CHD7: variants seen among roughly 807,000 people sequenced by gnomAD.
CHD7 encodes chromodomain helicase DNA binding protein 7, also known as ATP-dependent chromatin remodeler CHD7.
A neutral mutation model predicts 307.3 loss-of-function variants in CHD7; 24 were observed. The observed-to-expected ratio is 0.08, with a 90% CI of 0.06 to 0.11. The LOEUF is 0.11. Among genes scored for constraint, CHD7 ranks in the 10% least tolerant of loss-of-function variants. The pLI, the probability that CHD7 is intolerant of heterozygous loss-of-function variation, is 1.00. For synonymous variants in CHD7, 1,363 were observed against 1,349.9 expected, an observed-to-expected ratio of 1.01 and a Z score of -0.21; for missense variants, 3,106 against 3,727.1, an observed-to-expected ratio of 0.83 and a Z score of 4.34.
chr8:60,747,252 A>G (rs1011597517), intron 2 of CHD7, among the ~76,000 whole-genome samples: 20 of 149,684 alleles, frequency 1.3e-4, no homozygotes, highest in Admixed American at 5.3e-4. Flanking sequence ...TTTTTTTTGT[A>G]TTTTTAGTAG....
intron 6 of CHD7, among the ~76,000 whole-genome samples, 193 bp downstream of exon 6, chr8:60,801,786 AGC>A (rs1812328193): frequency 6.6e-6 from 1 of 152,260 alleles, no homozygotes; most frequent in Non-Finnish European, 1.5e-5. Context: ...AAATATATCA[AGC>A]AGTCAGTGCT....
At chr8:60,709,640 A>G (rs1209419768) in intron 1 of CHD7, among the ~76,000 whole-genome samples, 1 of 152,178 alleles carries the variant, frequency 6.6e-6, no homozygotes, top group East Asian at 1.9e-4. Flanking sequence ...AGAAATTTAA[A>G]CTGTATTTGA....
intron 1 of CHD7, among the ~76,000 whole-genome samples, chr8:60,685,420 G>A (rs1805832950): frequency 6.6e-6 from 1 of 152,188 alleles, no homozygotes; most frequent in African/African-American, 2.4e-5. Flanking sequence ...GTGGTAACCA[G>A]ACCTTGGCAC....
chr8:60,715,761 A>AAAAAC (rs145810726), intron 1 of CHD7, among the ~76,000 whole-genome samples: 43 of 152,130 alleles, frequency 2.8e-4, no homozygotes, highest in Admixed American at 4.6e-4. Flanking sequence ...TCTACCTTAG[A>AAAAAC]AAAACAAAAC....
chr8:60,737,271 T>A (rs1808757736), intron 1 of CHD7, among the ~76,000 whole-genome samples: 1 of 152,206 alleles, frequency 6.6e-6, no homozygotes, highest in South Asian at 2.1e-4. Flanking sequence ...GAAAGGAAAT[T>A]CACTTCTATT....
At chr8:60,786,596 G>A (rs1811502754) in intron 3 of CHD7, among the ~76,000 whole-genome samples, 3 of 152,128 alleles carry the variant, frequency 2.0e-5, no homozygotes, top group East Asian at 1.9e-4. Context: ...TAAGGAGGCC[G>A]TGAGCCGCAG....
intron 1 of CHD7, 61 bp from the exon 2 acceptor site, chr8:60,741,198 T>A: frequency 1.9e-6 from 1 of 529,264 alleles, no homozygotes. Flanking sequence ...GCAGTTTTTA[T>A]CATTGGATCC....
intron 7 of CHD7, among the ~76,000 whole-genome samples, chr8:60,812,428 G>A (rs548593817): frequency 2.0e-4 from 31 of 152,204 alleles, no homozygotes; most frequent in Non-Finnish European, 4.4e-4. Flanking sequence ...ACTTTGGGAG[G>A]CTGAGGCAGG....
intron 25 of CHD7, among the ~76,000 whole-genome samples, chr8:60,849,842 C>G (rs1805375971): frequency 6.6e-6 from 1 of 152,206 alleles, no homozygotes; most frequent in Admixed American, 6.5e-5. Flanking sequence ...TTGAATTGTG[C>G]TGTTCTGCCT....
chr8:60,686,599 T>A (rs1443087629), intron 1 of CHD7, among the ~76,000 whole-genome samples: 1 of 152,174 alleles, frequency 6.6e-6, no homozygotes, highest in Non-Finnish European at 1.5e-5. Context: ...TTTTCCACCA[T>A]GTATTTCATC....
intron 16 of CHD7, 144 bp from the exon 17 acceptor site, chr8:60,836,673 C>T: frequency 3.6e-6 from 2 of 555,010 alleles, no homozygotes; most frequent in Non-Finnish European, 6.0e-6. Context: ...GCCAATAAAC[C>T]CTATTTGCTC....
intron 7 of CHD7, among the ~76,000 whole-genome samples, chr8:60,816,113 G>GTCTC (rs201056061): frequency 0.01 from 1,462 of 139,248 alleles, 15 homozygotes; most frequent in Middle Eastern, 0.021. Context: ...CTGTCTGTCT[G>GTCTC]TCTCTCTCTC....
rs1586457854 is a variant in CHD7, at chr8:60,859,654, G to A, written c.7609-1250G>A. 2.6e-5 allele frequency among the ~76,000 whole-genome samples: 4 copies of A among 152,320 alleles called. 1 individual carries two copies. The highest frequency in any genetic ancestry group is 2.6e-4 in the Admixed American group (4 of 15,294). ...TCAATTAAGTTTTGAAGATCATGTA[G>A]TAGTTGGTCATTTTAAAAGGGTTGG... is the stretch of plus-strand genomic sequence containing the variant. On this transcript the variant is annotated intron_variant, in intron 34 of 37. Transcript: ENST00000423902.
intron 2 of CHD7, among the ~76,000 whole-genome samples, chr8:60,749,604 A>G (rs534963362): frequency 2.3e-5 from 1 of 43,378 alleles, no homozygotes; most frequent in Non-Finnish European, 1.3e-4. Flanking sequence ...AAATGTCTCT[A>G]AAAAAAAATC....
Position 60,852,072 on chromosome 8 carries a change from T to C in CHD7, c.5719T>C (p.Ser1907Pro), listed in dbSNP as rs1308890903. The stretch of plus-strand genomic sequence containing the variant: ...AGGCCAACTTTACTGGCCTAACACT[T>C]CAACCCTGACTACACGTCTGCGCCG... ...ELGQLYWPNT[S>P]TLTTRLRRLI... Residue 1907 changes from serine to proline, a missense_variant, in exon 29 of 38, where the codon TCA (serine) becomes CCA (proline). Transcript: ENST00000423902. 3 of 1,613,912 alleles carry C rather than the reference T, an allele frequency of 1.9e-6. No individual in the cohort carries two copies. The highest frequency in any genetic ancestry group is 2.5e-6 in the Non-Finnish European group (3 of 1,179,844).
rs375204972 is a variant in CHD7 at position 60,865,385 on chromosome 8, T to C, written c.8446T>C (p.Leu2816=). ...LPNVFGLGGL[L]NNPLSAATGN... is the part of the protein sequence containing the mutation. Reference sequence around the variant, plus strand: ...CAACGTGTTTGGCTTGGGCGGGCTGTTGAATAACCCTCTGTCAGCTGCTAC... The same window carrying C: ...CAACGTGTTTGGCTTGGGCGGGCTGCTGAATAACCCTCTGTCAGCTGCTAC... Residue 2816 remains leucine, a synonymous_variant, in exon 38 of 38, where the codon TTG becomes CTG. Coordinates refer to ENST00000423902, the MANE Select transcript of CHD7 (RefSeq NM_017780.4). The surrounding 1 kb of genome is among the most constrained non-coding windows in gnomAD (Gnocchi z 4.3). 3.3e-5 allele frequency: 54 copies of C among 1,613,170 alleles called. No individual in the cohort carries two copies. In the African/African-American group the frequency reaches 6.0e-4, roughly 18 times the overall value.
chr8:60,770,136 C>T (rs542758614), intron 2 of CHD7, among the ~76,000 whole-genome samples: 1 of 152,278 alleles, frequency 6.6e-6, no homozygotes, highest in African/African-American at 2.4e-5. Context: ...ATTGCTTTCT[C>T]TGTTGTGAAA....
intron 2 of CHD7, among the ~76,000 whole-genome samples, chr8:60,745,414 G>A (rs992127647): frequency 6.6e-6 from 1 of 152,136 alleles, no homozygotes; most frequent in African/African-American, 2.4e-5. Context: ...GCATTTCAGA[G>A]GACATGTGTG....
intron 2 of CHD7, among the ~76,000 whole-genome samples, chr8:60,756,622 G>C (rs746650664): frequency 3.3e-5 from 5 of 152,170 alleles, no homozygotes; most frequent in Non-Finnish European, 7.3e-5. Flanking sequence ...GGAGGTTACA[G>C]TGTGCCATAA....
Sources: gnomAD v4.1 joint callset for allele counts (sites outside exome capture counted in the v4.1 genomes callset) on GRCh38, gnomAD v4.1.1 for gene constraint, Gnocchi (gnomAD v3.1) non-coding constraint, MANE v1.5 for transcripts, NCBI Gene and HGNC (gene_info 2026-07-23, HGNC 2026-07-21) for gene names.